The following PDE3B variants were observed in gnomAD, a reference collection of about 807,000 sequenced individuals.
The protein encoded by PDE3B is phosphodiesterase 3B, also known as cGMP-inhibited 3',5'-cyclic phosphodiesterase 3B.
PDE3B carries 66 observed loss-of-function variants against 116.8 expected under a neutral mutation model. The ratio of observed to expected loss-of-function variants is 0.56; its 90% CI spans 0.46 to 0.69. PDE3B has a LOEUF of 0.69. PDE3B is among the 30% of genes least tolerant of loss of function. The probability of loss-of-function intolerance (pLI) is 0.00; values close to 1 mark genes in which losing one functional copy is unlikely to be tolerated. For missense variants in PDE3B, 1,384 were observed against 1,368.1 expected (o/e 1.01, Z -0.18); for synonymous variants, 595 against 533.6 (o/e 1.12, Z -1.59).
intron 12 of PDE3B, among the ~76,000 whole-genome samples, chr11:14,850,616 T>G (rs1303579290): frequency 1.3e-5 from 2 of 152,196 alleles, no homozygotes; most frequent in Non-Finnish European, 2.9e-5. Flanking sequence ...AGATTTGCCT[T>G]AATACCAGAG....
chr11:14,761,254 A>G (rs964945655), intron 1 of PDE3B, among the ~76,000 whole-genome samples: 2 of 152,164 alleles, frequency 1.3e-5, no homozygotes, highest in Non-Finnish European at 2.9e-5. Context: ...GCCATTTGGA[A>G]TTATAAATGG....
At chr11:14,750,909 C>G (rs1488418803) in intron 1 of PDE3B, among the ~76,000 whole-genome samples, 1 of 152,150 alleles carries the variant, frequency 6.6e-6, no homozygotes, top group African/African-American at 2.4e-5. Context: ...ACTGATCACA[C>G]TAGTTGGAAT....
intron 1 of PDE3B, among the ~76,000 whole-genome samples, chr11:14,691,719 G>T (rs764280841): frequency 1.3e-5 from 2 of 152,058 alleles, no homozygotes; most frequent in Non-Finnish European, 2.9e-5. Context: ...AAGCATGTAC[G>T]TATATATTGT....
intron 1 of PDE3B, among the ~76,000 whole-genome samples, chr11:14,678,654 TAA>T (rs1305683460): frequency 1.3e-5 from 2 of 152,194 alleles, no homozygotes; most frequent in African/African-American, 4.8e-5. Flanking sequence ...TAAGTGGATA[TAA>T]GTCTTTTGTT....
At chr11:14,822,507 C>T (rs970169543) in intron 7 of PDE3B, among the ~76,000 whole-genome samples, 3 of 152,208 alleles carry the variant, frequency 2.0e-5, no homozygotes, top group African/African-American at 4.8e-5. Context: ...AGGGGAGCCT[C>T]CCTCGCCCAG....
chr11:14,666,737 C>T (rs1015870856), intron 1 of PDE3B, among the ~76,000 whole-genome samples: 4 of 151,822 alleles, frequency 2.6e-5, no homozygotes, highest in African/African-American at 7.2e-5. Context: ...CAATGAGATA[C>T]CATCTCACAC....
chr11:14,725,358 CCTCT>C (rs1025088048), intron 1 of PDE3B, among the ~76,000 whole-genome samples: 7 of 138,688 alleles, frequency 5.0e-5, no homozygotes, highest in African/African-American at 1.6e-4. Flanking sequence ...TCTTCTTTCT[CCTCT>C]CTCTTTCTCC....
the PDE3B span, chr11:14,878,969 T>A: frequency 1.4e-6 from 1 of 699,166 alleles, no homozygotes; most frequent in Non-Finnish European, 2.4e-6. Flanking sequence ...TCCAATTTAA[T>A]CATTCTCTCC....
Position 14,770,235 on chromosome 11 carries a change from C to A in PDE3B, c.979-1702C>A, listed in dbSNP as rs1373633368. Among the ~76,000 whole-genome samples, 4 of 151,188 alleles carry A rather than the reference C, an allele frequency of 2.6e-5. No individual in the cohort carries two copies. The East Asian group carries it at 7.7e-4, about 29-fold the overall frequency. On this transcript the variant is annotated intron_variant, in intron 1 of 15. Transcript: ENST00000282096. The stretch of plus-strand genomic sequence containing the variant: ...CGTATGGCTCTGTTTTCACTCCTGT[C>A]TATTCTAGACATCTATTCGTGAACT...
Position 14,834,972 on chromosome 11 carries a change from G to A in PDE3B, c.2207-10G>A. On this transcript the variant is annotated splice_polypyrimidine_tract_variant and intron_variant, in intron 10 of 15. Coordinates refer to ENST00000282096, the MANE Select transcript of PDE3B (RefSeq NM_000922.4). ...TTAAACCTAACAGAAAAACGTTTTG[G>A]TGACTTTAGATCACAATCGTATACA... is the stretch of plus-strand genomic sequence containing the variant. 1.3e-6 allele frequency: 2 copies of A among 1,544,774 alleles called. No individual in the cohort carries two copies. Among genetic ancestry groups the A allele is most frequent in the Non-Finnish European group, 1.8e-6 (2 of 1,129,578 alleles).
intron 2 of PDE3B, among the ~76,000 whole-genome samples, chr11:14,777,169 G>A (rs1486657836): frequency 6.6e-6 from 1 of 152,180 alleles, no homozygotes; most frequent in Non-Finnish European, 1.5e-5. Context: ...GATAGAATCT[G>A]TGAGCTTAAG....
intron 4 of PDE3B, among the ~76,000 whole-genome samples, chr11:14,801,245 A>T (rs1858752435): frequency 6.6e-6 from 1 of 151,718 alleles, no homozygotes; most frequent in Non-Finnish European, 1.5e-5. Context: ...GTTTTTTGGA[A>T]TTTTCAGCCT....
chr11:14,769,129 A>T (rs1250673683), intron 1 of PDE3B, among the ~76,000 whole-genome samples: 1 of 151,408 alleles, frequency 6.6e-6, no homozygotes, highest in Non-Finnish European at 1.5e-5. Flanking sequence ...TTAAGAATTG[A>T]TTCAAAGCCA....
At chr11:14,866,299 T>G (rs1848044835) in intron 14 of PDE3B, among the ~76,000 whole-genome samples, 1 of 152,230 alleles carries the variant, frequency 6.6e-6, no homozygotes, top group Admixed American at 6.5e-5. Flanking sequence ...TCCTCCCACT[T>G]ATGAAAGTTT....
chr11:14,668,626 A>G (rs1854263704), intron 1 of PDE3B, among the ~76,000 whole-genome samples: 1 of 152,170 alleles, frequency 6.6e-6, no homozygotes, highest in East Asian at 1.9e-4. Context: ...CATTTAATAG[A>G]GTTCTCCAAA....
At chr11:14,782,741 A>G (rs193019780) in intron 2 of PDE3B, among the ~76,000 whole-genome samples, 3,151 of 152,320 alleles carry the variant, frequency 0.021, 110 homozygotes, top group African/African-American at 0.072. Flanking sequence ...AATGGCAACA[A>G]AAGCCAAAGT....
the PDE3B span, chr11:14,891,608 G>A: frequency 4.7e-6 from 5 of 1,062,696 alleles, no homozygotes; most frequent in Non-Finnish European, 5.7e-6. Flanking sequence ...CTGCGAGGCC[G>A]ACTCGCAAGA....
the PDE3B span, among the ~76,000 whole-genome samples, chr11:14,888,898 G>T: frequency 6.6e-6 from 1 of 152,138 alleles, no homozygotes; most frequent in Admixed American, 6.5e-5. Context: ...ACTTGTATTG[G>T]CTTTCCTAGC....
chr11:14,723,419 G>T, intron 1 of PDE3B, among the ~76,000 whole-genome samples: 1 of 152,070 alleles, frequency 6.6e-6, no homozygotes, highest in Non-Finnish European at 1.5e-5. Flanking sequence ...TACAGACTGA[G>T]GTCAGTACTA....
Sources: allele counts gnomAD v4.1 joint callset (sites outside exome capture counted in the v4.1 genomes callset), GRCh38; gene constraint gnomAD v4.1.1; transcripts MANE v1.5; gene names NCBI Gene and HGNC (gene_info 2026-07-23, HGNC 2026-07-21).